Variants in PTK2B observed in about 807,000 individuals in gnomAD.
PTK2B encodes protein-tyrosine kinase 2-beta.
In PTK2B, 71 loss-of-function variants were observed where a neutral mutation model predicts 142.9. The observed-to-expected ratio is 0.50, with a 90% confidence interval of 0.41 to 0.61. PTK2B has a LOEUF of 0.61. PTK2B is among the 20% of genes least tolerant of loss of function. The probability of loss-of-function intolerance (pLI) is 0.00; values close to 1 mark genes in which losing one functional copy is unlikely to be tolerated. For synonymous variants in PTK2B, 519 were observed against 503.4 expected, an observed-to-expected ratio of 1.03 and a Z score of -0.42; for missense variants, 1,105 against 1,320.4, an observed-to-expected ratio of 0.84 and a Z score of 2.53.
intron 1 of PTK2B, among the ~76,000 whole-genome samples, chr8:27,390,835 A>G (rs1010172352): frequency 6.6e-6 from 1 of 152,112 alleles, no homozygotes; most frequent in South Asian, 2.1e-4. Context: ...TCATGCCCCA[A>G]TGGAGGAAAC....
intron 1 of PTK2B, among the ~76,000 whole-genome samples, chr8:27,355,100 C>T (rs558001995): frequency 6.6e-6 from 1 of 152,292 alleles, no homozygotes; most frequent in South Asian, 2.1e-4. Context: ...TAACAACCTC[C>T]CAAAGATGTC....
chr8:27,362,829 C>A (rs1032610139), intron 1 of PTK2B, among the ~76,000 whole-genome samples: 14 of 151,260 alleles, frequency 9.3e-5, no homozygotes, highest in Middle Eastern at 3.5e-3. Flanking sequence ...AAATCTAGAA[C>A]TGCTCCCACA....
chr8:27,455,358 G>A (rs1235968153), intron 30 of PTK2B, among the ~76,000 whole-genome samples: 2 of 152,132 alleles, frequency 1.3e-5, no homozygotes, highest in Admixed American at 6.5e-5. Context: ...GAGCTCAGGA[G>A]TTTGAGACCA....
chr8:27,436,123 A>G, intron 14 of PTK2B, 128 bp from the exon 15 acceptor site: 1 of 898,908 alleles, frequency 1.1e-6, no homozygotes, highest in East Asian at 2.4e-5. Flanking sequence ...TCCCCAGCCC[A>G]GTCCCTGGAT....
intron 2 of PTK2B, among the ~76,000 whole-genome samples, chr8:27,405,068 C>G (rs571573769): frequency 2.1e-3 from 305 of 145,278 alleles, no homozygotes; most frequent in African/African-American, 7.3e-3. Context: ...CTCTCTCTCT[C>G]TTAGCCATGT....
intron 1 of PTK2B, among the ~76,000 whole-genome samples, chr8:27,340,430 T>G (rs1281896528): frequency 2.0e-5 from 3 of 152,148 alleles, no homozygotes. Context: ...TGGGGCCTGT[T>G]TTGGAAGCTG....
intron 3 of PTK2B, among the ~76,000 whole-genome samples, chr8:27,313,661 A>G (rs1457352542): frequency 6.6e-6 from 1 of 152,144 alleles, no homozygotes; most frequent in African/African-American, 2.4e-5. Flanking sequence ...ATTTGTACAC[A>G]TGCCCATCTG....
intron 1 of PTK2B, among the ~76,000 whole-genome samples, chr8:27,342,992 C>T (rs955997752): frequency 5.9e-5 from 9 of 152,122 alleles, no homozygotes; most frequent in African/African-American, 1.7e-4. Context: ...GAGGAGGAGG[C>T]GTTTGTGAAG....
At chr8:27,310,878 A>C (rs1385611340), upstream of PTK2B, 1 of 1,612,918 alleles carries the variant, frequency 6.2e-7, no homozygotes, top group East Asian at 2.2e-5. Context: ...CAGGAGCAGC[A>C]CAGCAGCTCC....
At chr8:27,342,388 A>G (rs536788355) in intron 1 of PTK2B, among the ~76,000 whole-genome samples, 14 of 151,658 alleles carry the variant, frequency 9.2e-5, no homozygotes, top group East Asian at 5.8e-4. Flanking sequence ...CCAGGCCCAA[A>G]TGATCCTCTC....
At chr8:27,435,899 C>A in intron 14 of PTK2B, 106 bp downstream of exon 14, 2 of 1,387,096 alleles carry the variant, frequency 1.4e-6, no homozygotes, top group Non-Finnish European at 2.0e-6. Flanking sequence ...CCTTTATCCT[C>A]CCTTCGTGCT....
At chr8:27,400,432 A>G (rs1808304816) in intron 2 of PTK2B, among the ~76,000 whole-genome samples, 3 of 146,004 alleles carry the variant, frequency 2.1e-5, no homozygotes, top group Admixed American at 1.4e-4. Context: ...GACAGCAGAG[A>G]AAAAAGGATT....
chr8:27,456,192 C>T (rs1812129961), intron 30 of PTK2B, among the ~76,000 whole-genome samples: 1 of 152,208 alleles, frequency 6.6e-6, no homozygotes, highest in African/African-American at 2.4e-5. Context: ...CATTTTATTG[C>T]ACTTTGCTTT....
chr8:27,340,879 T>A (rs2130039028), intron 1 of PTK2B, among the ~76,000 whole-genome samples: 1 of 152,318 alleles, frequency 6.6e-6, no homozygotes, highest in East Asian at 1.9e-4. Context: ...ACTTCCTGCC[T>A]CTTGCTGCTG....
intron 30 of PTK2B, among the ~76,000 whole-genome samples, chr8:27,455,596 G>GGTCA (rs1274687064): frequency 6.6e-6 from 1 of 152,096 alleles, no homozygotes; most frequent in Non-Finnish European, 1.5e-5. Context: ...AGAGACACAT[G>GGTCA]GTCAGGGTGA....
chr8:27,435,649 C>T, intron 13 of PTK2B, 94 bp from the exon 14 acceptor site: 1 of 1,471,162 alleles, frequency 6.8e-7, no homozygotes, highest in South Asian at 1.1e-5. Context: ...CCCTTGGGCT[C>T]CACTGGCCTC....
intron 5 of PTK2B, among the ~76,000 whole-genome samples, chr8:27,426,134 TAATA>T (rs995730546): frequency 3.3e-5 from 5 of 152,220 alleles, no homozygotes; most frequent in African/African-American, 1.2e-4. Context: ...AAGTAACTGT[TAATA>T]AATAAAGATT....
At chr8:27,347,699 C>A (rs1186396212) in intron 1 of PTK2B, among the ~76,000 whole-genome samples, 2 of 152,172 alleles carry the variant, frequency 1.3e-5, no homozygotes, top group East Asian at 3.8e-4. Context: ...GACCCCATCT[C>A]TAAATACAGT....
At chr8:27,375,842 G>A (rs1806638046) in intron 1 of PTK2B, among the ~76,000 whole-genome samples, 1 of 152,204 alleles carries the variant, frequency 6.6e-6, no homozygotes, top group South Asian at 2.1e-4. Context: ...GAAGAGCCGT[G>A]GGCTGCACTG....
Sources: allele counts gnomAD v4.1 joint callset (sites outside exome capture counted in the v4.1 genomes callset), GRCh38; gene constraint gnomAD v4.1.1; transcripts MANE v1.5; gene names NCBI Gene and HGNC (gene_info 2026-07-23, HGNC 2026-07-21).